WNK2: variants seen among roughly 807,000 people sequenced by gnomAD.
WNK2 encodes the protein serine/threonine-protein kinase WNK2.
Under a neutral mutation model 192.1 loss-of-function variants are expected in WNK2, and 67 were observed. The observed-to-expected ratio is 0.35, with a 90% CI of 0.29 to 0.43. The LOEUF is 0.43. WNK2 is among the 20% of genes least tolerant of loss of function. The pLI is 1.00. For missense variants in WNK2, 2,698 were observed against 3,089.7 expected, an observed-to-expected ratio of 0.87 and a Z score of 3.01; for synonymous variants, 1,439 against 1,393.9, an observed-to-expected ratio of 1.03 and a Z score of -0.72.
In WNK2 at chr9:93,218,403, T is replaced by C. The variant is rs553170911; in HGVS notation, c.682-11293T>C. Among the ~76,000 whole-genome samples, 10 of 152,058 alleles carry C rather than the reference T, an allele frequency of 6.6e-5. No individual in the cohort carries two copies. The South Asian group carries it at 2.1e-3, about 32-fold the overall frequency. On this transcript the variant is annotated intron_variant, in intron 2 of 29. Coordinates refer to ENST00000427277, the MANE Select transcript of WNK2 (RefSeq NM_006648.4). ...TCTAGAAACCAGATACATGATGTGG[T>C]CAGATGCAGGGGTGGCCGCCTGGCC...
At chr9:93,250,781 A>ATT in intron 8 of WNK2, among the ~76,000 whole-genome samples, 1 of 116,260 alleles carries the variant, frequency 8.6e-6, no homozygotes, top group African/African-American at 3.7e-5. Context: ...GAACTCATTC[A>ATT]CTTTTTTTTT....
chr9:93,313,860 G>T (rs565725375), intron 28 of WNK2, among the ~76,000 whole-genome samples: 95 of 152,306 alleles, frequency 6.2e-4, no homozygotes, highest in African/African-American at 2.1e-3. Context: ...GGCCATGGTA[G>T]CTCACACCTG....
At position 93,202,576 on chromosome 9, in the gene WNK2, C is replaced by T. The variant is rs975756022; in HGVS notation, c.681+16966C>T. On this transcript the variant is annotated intron_variant, in intron 2 of 29. Coordinates refer to ENST00000427277, the MANE Select transcript of WNK2 (RefSeq NM_006648.4). ...TCTCAGGGAGGGGTGGGTATTTGCA[C>T]GGCTGATGGCCTTTCCACAAAAGGG... 3.0e-4 allele frequency among the ~76,000 whole-genome samples: 45 copies of T among 151,308 alleles called. 1 individual carries two copies. The highest frequency in any genetic ancestry group is 2.2e-4 in the African/African-American group (9 of 41,162).
chr9:93,268,078 C>A lies in WNK2; in HGVS notation c.3913+13C>A. On this transcript the variant is annotated intron_variant, in intron 18 of 29. Transcript: ENST00000427277. ...TATCAGCAGAACGGTGAGTCTGCAA[C>A]TTCCCTCCCTGCTTTTAAGCAGGCG... 1.9e-6 allele frequency: 3 copies of A among 1,606,460 alleles called. No individual in the cohort carries two copies. Among genetic ancestry groups the A allele is most frequent in the Non-Finnish European group, 2.5e-6 (3 of 1,176,556 alleles).
At chr9:93,241,716 C>T (rs1023826960) in intron 7 of WNK2, among the ~76,000 whole-genome samples, 4 of 152,122 alleles carry the variant, frequency 2.6e-5, no homozygotes, top group East Asian at 3.9e-4. Flanking sequence ...CAGTGAGCTG[C>T]GTGTTTGTCA....
At chr9:93,282,937 C>T (rs531996007) in intron 19 of WNK2, among the ~76,000 whole-genome samples, 4 of 152,260 alleles carry the variant, frequency 2.6e-5, no homozygotes, top group African/African-American at 9.6e-5. Context: ...ATCAAAATCA[C>T]TTGATGCATG....
At chr9:93,231,144 C>T (rs746646946) in intron 4 of WNK2, 36 bp downstream of exon 4, 6 of 1,596,196 alleles carry the variant, frequency 3.8e-6, no homozygotes, top group African/African-American at 2.7e-5. Flanking sequence ...CCTTGGAGCC[C>T]ATGAGAAGCT....
chr9:93,303,786 A>G (rs1852008694), intron 26 of WNK2, among the ~76,000 whole-genome samples: 1 of 152,208 alleles, frequency 6.6e-6, no homozygotes, highest in Admixed American at 6.5e-5. Flanking sequence ...GGCAGAGCCA[A>G]GGCAGATCCT....
chr9:93,317,248 C>T lies in WNK2; in HGVS notation c.6517-272C>T, dbSNP rs1203737660. 7 of 565,132 alleles carry T rather than the reference C, an allele frequency of 1.2e-5. No individual in the cohort carries two copies. The East Asian group carries it at 1.8e-4, about 15-fold the overall frequency. The allele number at this position is 565,132 out of a possible 1,614,324, so 35.0% of individuals were successfully genotyped here. ...CCCTCAGGGTCCAGGCCCCACTAGT[C>T]CTCCTCCAAGTCCCATTTTGGCTGG... is the stretch of plus-strand genomic sequence containing the variant. On this transcript the variant is annotated intron_variant, in intron 28 of 29. Transcript: ENST00000427277.
chr9:93,291,711 C>T (rs746681576), intron 21 of WNK2, among the ~76,000 whole-genome samples: 1 of 152,224 alleles, frequency 6.6e-6, no homozygotes, highest in African/African-American at 2.4e-5. Flanking sequence ...AGGTCTGGCT[C>T]ATGCCCTGGC....
At chr9:93,309,139 G>A in intron 28 of WNK2, 3 of 984,990 alleles carry the variant, frequency 3.0e-6, no homozygotes, top group Non-Finnish European at 3.6e-6. Flanking sequence ...GGAGGGGTTT[G>A]TGGAAGACTG....
intron 19 of WNK2, among the ~76,000 whole-genome samples, chr9:93,281,451 A>G (rs567711708): frequency 6.6e-6 from 1 of 152,350 alleles, no homozygotes; most frequent in South Asian, 2.1e-4. Flanking sequence ...TGGATTGTAC[A>G]CTGCCAGAGA....
At chr9:93,214,039 A>C (rs940838290) in intron 2 of WNK2, among the ~76,000 whole-genome samples, 1 of 152,158 alleles carries the variant, frequency 6.6e-6, no homozygotes, top group Non-Finnish European at 1.5e-5. Flanking sequence ...TGTACAGTTA[A>C]TACTAGCAGA....
chr9:93,189,883 G>C (rs898516975), intron 2 of WNK2, among the ~76,000 whole-genome samples: 1 of 152,202 alleles, frequency 6.6e-6, no homozygotes, highest in African/African-American at 2.4e-5. Flanking sequence ...TTTTAGCCCT[G>C]ACCCAGCTGA....
rs567119992 is a variant in WNK2, at chr9:93,252,951, G to A, written c.1903G>A (p.Val635Met). ...YSDSQSSQQSVMLGSLADAAP... is the reference protein window; with the variant it reads ...YSDSQSSQQSMMLGSLADAAP... ...AGACTCGCAGAGCAGCCAGCAGAGC[G>A]TGATGCTTGGCTCCCTTGCCGACGC... The change falls in exon 9 of 30, where the codon GTG becomes ATG. Residue 635 changes from valine (V) to methionine (M), a missense_variant. Physicochemically the swap from Val to Met is conservative, Grantham distance 21. This residue lies in a region of WNK2 where 893 missense variants were observed against 909.0 expected (regional missense o/e 0.98). Transcript: ENST00000427277. 40 of 1,578,046 alleles carry A rather than the reference G, an allele frequency of 2.5e-5. No homozygotes were observed. The African/African-American group carries it at 2.7e-4, about 11-fold the overall frequency.
Position 93,257,028 on chromosome 9 carries a change from C to T in WNK2, c.2271C>T (p.Pro757=), listed in dbSNP as rs35674470. The change falls in exon 11 of 30, where the codon CCC becomes CCT. Residue 757 remains proline (P), a synonymous_variant. Coordinates refer to ENST00000427277, the MANE Select transcript of WNK2 (RefSeq NM_006648.4). This position sits in a 1 kb window ranked among gnomAD's most constrained non-coding sequence, Gnocchi z 4.7. ...QPVVPLQPVP[P]HLPPYLAPAS... is the part of the protein sequence containing the mutation. ...TGGTCCCCCTCCAGCCGGTTCCCCC[C>T]CACCTGCCACCGTACCTGGCTCCAG... 2 of 1,604,626 alleles carry T rather than the reference C, an allele frequency of 1.2e-6. No homozygotes were observed. Among genetic ancestry groups the T allele is most frequent in the Admixed American group, 1.7e-5 (1 of 59,040 alleles).
chr9:93,211,262 T>TCACA (rs1554685210), intron 2 of WNK2, among the ~76,000 whole-genome samples: 2 of 3,320 alleles, frequency 6.0e-4, no homozygotes, highest in African/African-American at 1.1e-3. Context: ...ACTCATTCAC[T>TCACA]CATTCACTCA....
At chr9:93,248,239 G>C (rs73651384) in intron 8 of WNK2, among the ~76,000 whole-genome samples, 1 of 152,236 alleles carries the variant, frequency 6.6e-6, no homozygotes, top group African/African-American at 2.4e-5. Context: ...ACCATGCAGG[G>C]TGTGGACCCT....
chr9:93,260,656 ATC>A (rs1397943928), intron 12 of WNK2, among the ~76,000 whole-genome samples: 1 of 152,182 alleles, frequency 6.6e-6, no homozygotes, highest in Non-Finnish European at 1.5e-5. Flanking sequence ...TTGCTGTCTT[ATC>A]TCCAGAGGGC....
Sources: allele counts gnomAD v4.1 joint callset (sites outside exome capture counted in the v4.1 genomes callset), GRCh38; gene constraint gnomAD v4.1.1; regional missense constraint gnomAD v4.1.1; non-coding constraint Gnocchi (gnomAD v3.1); transcripts MANE v1.5; gene names NCBI Gene and HGNC (gene_info 2026-07-23, HGNC 2026-07-21).